MOV10L1: variants seen among roughly 807,000 people sequenced by gnomAD.
MOV10L1 encodes the protein RNA helicase Mov10l1.
MOV10L1 carries 110 observed loss-of-function variants against 143.8 expected under a neutral mutation model. That is an observed-to-expected ratio of 0.76 (90% CI 0.66 to 0.90). The LOEUF (loss-of-function observed/expected upper bound fraction) is 0.90, where lower values mean the gene tolerates loss of function less well. MOV10L1 is among the 40% of genes least tolerant of loss of function. The pLI, the probability that MOV10L1 is intolerant of heterozygous loss-of-function variation, is 0.00. For synonymous variants in MOV10L1, 593 were observed against 581.1 expected, an observed-to-expected ratio of 1.02 and a Z score of -0.29; for missense variants, 1,406 against 1,526.8, an observed-to-expected ratio of 0.92 and a Z score of 1.32.
At chr22:50,148,196 C>CT in intron 19 of MOV10L1, among the ~76,000 whole-genome samples, 1 of 152,358 alleles carries the variant, frequency 6.6e-6, no homozygotes, top group South Asian at 2.1e-4. Context: ...GACACTCTCT[C>CT]TGCCCCATAC....
chr22:50,134,135 G>A, intron 14 of MOV10L1, 70 bp downstream of exon 14: 1 of 1,230,316 alleles, frequency 8.1e-7, no homozygotes, highest in South Asian at 1.4e-5. Flanking sequence ...GTAAAATTTT[G>A]TGTAAAATAG....
chr22:50,156,950 A>G (rs2063442170), intron 22 of MOV10L1, among the ~76,000 whole-genome samples: 1 of 152,140 alleles, frequency 6.6e-6, no homozygotes, highest in South Asian at 2.1e-4. Context: ...TTCCACAGTA[A>G]CTGCAGCATT....
At chr22:50,101,930 A>T (rs936592637) in intron 3 of MOV10L1, among the ~76,000 whole-genome samples, 3 of 152,206 alleles carry the variant, frequency 2.0e-5, no homozygotes, top group African/African-American at 7.2e-5. Context: ...GCCTATAATC[A>T]TGGAGGCCCC....
chr22:50,102,026 A>G (rs17836599), intron 3 of MOV10L1, among the ~76,000 whole-genome samples: 34,109 of 152,114 alleles, frequency 0.22, 4,188 homozygotes, highest in Admixed American at 0.35. Context: ...TTGATGTTGC[A>G]GATGTTGATG....
At chr22:50,133,653 G>T (rs1039179345) in intron 13 of MOV10L1, among the ~76,000 whole-genome samples, 1 of 151,960 alleles carries the variant, frequency 6.6e-6, no homozygotes, top group Non-Finnish European at 1.5e-5. Flanking sequence ...TGATTCTCAT[G>T]CCTCAGCCTC....
intron 12 of MOV10L1, 65 bp from the exon 13 acceptor site, chr22:50,128,351 G>A (rs924154942): frequency 1.1e-6 from 1 of 910,484 alleles, no homozygotes; most frequent in African/African-American, 1.7e-5. Flanking sequence ...TTTTGATGAT[G>A]TGTCGCTAGA....
chr22:50,130,103 C>G (rs908340655), intron 13 of MOV10L1, among the ~76,000 whole-genome samples: 2 of 152,100 alleles, frequency 1.3e-5, no homozygotes, highest in Non-Finnish European at 2.9e-5. Flanking sequence ...TGGGGAAACA[C>G]TGTCTCTACT....
intron 10 of MOV10L1, among the ~76,000 whole-genome samples, chr22:50,120,871 G>A (rs1254088889): frequency 6.6e-6 from 1 of 152,240 alleles, no homozygotes; most frequent in Non-Finnish European, 1.5e-5. Context: ...TTTGGGGTCT[G>A]GAGCAGAAGA....
chr22:50,097,961 G>A (rs2062631054), intron 2 of MOV10L1, among the ~76,000 whole-genome samples: 1 of 152,020 alleles, frequency 6.6e-6, no homozygotes, highest in Admixed American at 6.6e-5. Flanking sequence ...AGCCTCCCAA[G>A]TAGCTGGGAC....
chr22:50,114,344 A>C (rs1569286791), intron 6 of MOV10L1, 37 bp from the exon 7 acceptor site: 1 of 1,599,908 alleles, frequency 6.3e-7, no homozygotes. Context: ...GGTTTTAGAA[A>C]TCCTGGCTGT....
intron 22 of MOV10L1, among the ~76,000 whole-genome samples, chr22:50,157,387 C>T (rs1298779530): frequency 2.0e-5 from 3 of 152,154 alleles, no homozygotes; most frequent in East Asian, 3.8e-4. Context: ...GCTTTGGTGT[C>T]GTATCCAAGA....
intron 15 of MOV10L1, among the ~76,000 whole-genome samples, chr22:50,136,312 G>A (rs888320010): frequency 6.6e-6 from 1 of 151,966 alleles, no homozygotes; most frequent in Non-Finnish European, 1.5e-5. Context: ...CTATTTAGGT[G>A]GGCACATTCC....
intron 16 of MOV10L1, among the ~76,000 whole-genome samples, chr22:50,142,665 TAA>T (rs547890389): frequency 7.1e-6 from 1 of 140,716 alleles, no homozygotes; most frequent in Non-Finnish European, 1.6e-5. Context: ...CTTGTCTCTA[TAA>T]AAAAAAAAAA....
rs1399118850 is a variant in MOV10L1 at position 50,092,204 on chromosome 22, T to A, written c.282+19T>A. 6.2e-7 allele frequency: 1 copy of A among 1,604,316 alleles called. No homozygotes were observed. Among genetic ancestry groups the A allele is most frequent in the Non-Finnish European group, 8.5e-7 (1 of 1,174,146 alleles). On this transcript the variant is annotated intron_variant, in intron 2 of 26. Transcript: ENST00000262794. ...AATCAGGGTAAGGTTTGAGTTCATT[T>A]GGGAACAGTTTTTCTTCGCCACGGG...
At chr22:50,147,655 G>A (rs1002896134) in intron 19 of MOV10L1, among the ~76,000 whole-genome samples, 5 of 152,198 alleles carry the variant, frequency 3.3e-5, no homozygotes, top group African/African-American at 7.2e-5. Flanking sequence ...CACTGGGGGC[G>A]GCTGGAGTGG....
At position 50,113,774 on chromosome 22, in the gene MOV10L1, G is replaced by A; in HGVS notation, c.870G>A (p.Met290Ile). ...TAAAGGAAGGAAGAAGTAAAACCAT[G>A]GTGATCTGGATAGAGTGAGTTTGCC... is the stretch of plus-strand genomic sequence containing the variant. ...GTLKEGRSKT[M>I]VIWIENKGDI... The change falls in exon 6 of 27, where the codon ATG becomes ATA. Residue 290 changes from methionine to isoleucine, a missense_variant. Met to Ile is a conservative substitution (Grantham distance 10, BLOSUM62 1). Transcript: ENST00000262794. 1 of 1,612,632 alleles carries A rather than the reference G, an allele frequency of 6.2e-7. No homozygotes were observed. The highest frequency in any genetic ancestry group is 1.7e-4 in the Middle Eastern group (1 of 6,046).
intron 19 of MOV10L1, among the ~76,000 whole-genome samples, chr22:50,147,522 C>T (rs1271957208): frequency 2.1e-5 from 2 of 95,960 alleles, no homozygotes; most frequent in Non-Finnish European, 4.2e-5. Context: ...GCAGGCCGCT[C>T]TCTCAGAGGC....
At chr22:50,126,097 C>T in intron 11 of MOV10L1, 105 bp from the exon 12 acceptor site, 1 of 749,174 alleles carries the variant, frequency 1.3e-6, no homozygotes, top group Non-Finnish European at 2.3e-6. Flanking sequence ...CAGCCTGACC[C>T]CAGTAACGTT....
chr22:50,104,157 C>A (rs955738847), intron 3 of MOV10L1, among the ~76,000 whole-genome samples: 1 of 152,150 alleles, frequency 6.6e-6, no homozygotes, highest in Admixed American at 6.5e-5. Flanking sequence ...AATCTACTAC[C>A]CCTGCTGATC....
Sources: gnomAD v4.1 joint callset for allele counts (sites outside exome capture counted in the v4.1 genomes callset) on GRCh38, gnomAD v4.1.1 for gene constraint, MANE v1.5 for transcripts, NCBI Gene and HGNC (gene_info 2026-07-23, HGNC 2026-07-21) for gene names.